FAM53A: variants seen among roughly 807,000 people sequenced by gnomAD.
The protein encoded by FAM53A is protein FAM53A.
A neutral mutation model predicts 26.6 loss-of-function variants in FAM53A; 28 were observed. The ratio of observed to expected loss-of-function variants is 1.05; its 90% CI spans 0.78 to 1.45. The LOEUF (loss-of-function observed/expected upper bound fraction) is 1.45. Ranked by LOEUF, FAM53A falls within the 40% of genes most tolerant of loss-of-function variation. The pLI is 0.00. For missense variants in FAM53A, 650 were observed against 575.8 expected (o/e 1.13, Z -1.32); for synonymous variants, 290 against 253.1 (o/e 1.15, Z -1.38).
At chr4:1,654,773 G>A (rs536965079) in intron 4 of FAM53A, among the ~76,000 whole-genome samples, 8 of 152,334 alleles carry the variant, frequency 5.3e-5, no homozygotes, top group Admixed American at 1.3e-4. Context: ...GGGAGCAGGC[G>A]GGGTGAGCTG....
chr4:1,602,711 G>A, the FAM53A span, among the ~76,000 whole-genome samples: 756 of 152,330 alleles, frequency 5.0e-3, 7 homozygotes, highest in African/African-American at 0.017. Flanking sequence ...CAGGCTGAGC[G>A]AGACCCGGTG....
chr4:1,619,650 T>C (rs1246708769), intron 1 of FAM53A, among the ~76,000 whole-genome samples: 1 of 150,780 alleles, frequency 6.6e-6, no homozygotes, highest in Non-Finnish European at 1.5e-5. Flanking sequence ...ATCTCCAGCG[T>C]CTCTGACTCA....
downstream of FAM53A, among the ~76,000 whole-genome samples, chr4:1,637,407 G>A (rs1715892647): frequency 6.6e-6 from 1 of 152,178 alleles, no homozygotes; most frequent in Non-Finnish European, 1.5e-5. Context: ...GGTTGGGGGT[G>A]AGGCCAGCCC....
chr4:1,673,242 A>G (rs1714807856), intron 1 of FAM53A, among the ~76,000 whole-genome samples: 1 of 152,186 alleles, frequency 6.6e-6, no homozygotes, highest in Non-Finnish European at 1.5e-5. Flanking sequence ...TGGGTCAGAA[A>G]AACGGCAGGG....
intron 1 of FAM53A, among the ~76,000 whole-genome samples, chr4:1,624,726 C>G (rs1475676888): frequency 1.3e-5 from 2 of 152,254 alleles, no homozygotes; most frequent in Non-Finnish European, 2.9e-5. Flanking sequence ...GGAATTCTGT[C>G]CCAGATGCTG....
chr4:1,608,235 ATCT>A, the FAM53A span, among the ~76,000 whole-genome samples: 2 of 151,420 alleles, frequency 1.3e-5, no homozygotes, highest in African/African-American at 2.4e-5. Flanking sequence ...GGCCTCTCCG[ATCT>A]TCTATGTGTT....
intron 2 of FAM53A, among the ~76,000 whole-genome samples, chr4:1,667,806 C>T (rs1482654541): frequency 6.6e-6 from 1 of 152,246 alleles, no homozygotes; most frequent in Non-Finnish European, 1.5e-5. Flanking sequence ...CCTGCTGGCT[C>T]TGAGGGCCTG....
the FAM53A span, among the ~76,000 whole-genome samples, chr4:1,603,340 C>T: frequency 3.7e-3 from 559 of 152,338 alleles, 6 homozygotes; most frequent in African/African-American, 0.013. Flanking sequence ...AGGCCAGCCA[C>T]AGTCCCTGAG....
chr4:1,605,974 C>T, the FAM53A span, among the ~76,000 whole-genome samples: 28 of 151,950 alleles, frequency 1.8e-4, no homozygotes, highest in African/African-American at 4.8e-4. The surrounding 1 kb of genome is among the most constrained non-coding windows in gnomAD (Gnocchi z 5.7). Flanking sequence ...GCATGACTGA[C>T]GTTAGCTGGC....
chr4:1,629,299 T>C (rs941545624), intron 1 of FAM53A, among the ~76,000 whole-genome samples: 1 of 152,110 alleles, frequency 6.6e-6, no homozygotes, highest in Non-Finnish European at 1.5e-5. Context: ...CTAGAGTCAA[T>C]CTCTGCTGCC....
At chr4:1,595,263 G>A in the FAM53A span, among the ~76,000 whole-genome samples, 50 of 152,336 alleles carry the variant, frequency 3.3e-4, no homozygotes, top group African/African-American at 1.1e-3. Flanking sequence ...GCAAGAAGGC[G>A]GGCAGCAGGA....
chr4:1,621,791 C>T (rs773208930), intron 1 of FAM53A, among the ~76,000 whole-genome samples: 3 of 152,220 alleles, frequency 2.0e-5, no homozygotes, highest in East Asian at 1.9e-4. Context: ...TGGCCCGTGC[C>T]GTCCCTGGCA....
chr4:1,659,021 C>G lies in FAM53A; in HGVS notation c.76-1553G>C, dbSNP rs906109254. On this transcript the variant is annotated intron_variant, in intron 2 of 4. Coordinates refer to ENST00000308132, the MANE Select transcript of FAM53A (RefSeq NM_001174070.3). This position sits in a 1 kb window ranked among gnomAD's most constrained non-coding sequence, Gnocchi z 5.2. ...CGTCCTATGATAACATTTCCAAACA[C>G]GATAAAATTAAAAGGAAATCCTTCA... Among the ~76,000 whole-genome samples, 1 of 152,232 alleles carries G rather than the reference C, an allele frequency of 6.6e-6. No individual in the cohort carries two copies. Among genetic ancestry groups the G allele is most frequent in the Non-Finnish European group, 1.5e-5 (1 of 68,034 alleles).
At chr4:1,597,285 C>A in the FAM53A span, among the ~76,000 whole-genome samples, 36 of 152,268 alleles carry the variant, frequency 2.4e-4, 1 homozygote, top group Non-Finnish European at 4.4e-5. Context: ...CTCCTCCCCC[C>A]ACCACTGCCC....
downstream of FAM53A, among the ~76,000 whole-genome samples, chr4:1,638,850 C>T (rs1219946641): frequency 2.0e-5 from 3 of 152,212 alleles, no homozygotes; most frequent in Admixed American, 2.0e-4. Context: ...TAGCGAGAGT[C>T]AGCTGGGAAC....
downstream of FAM53A, among the ~76,000 whole-genome samples, chr4:1,617,247 G>T (rs866338825): frequency 6.9e-6 from 1 of 144,150 alleles, no homozygotes; most frequent in African/African-American, 3.0e-5. Context: ...TTAGCAAACA[G>T]GAGAGTATCT....
chr4:1,601,009 G>T, the FAM53A span, among the ~76,000 whole-genome samples: 1 of 152,150 alleles, frequency 6.6e-6, no homozygotes, highest in Non-Finnish European at 1.5e-5. Flanking sequence ...TCCTAGAACA[G>T]CAGGCAGACG....
In FAM53A at chr4:1,655,292, C is replaced by G. The variant is rs776748055; in HGVS notation, c.568G>C (p.Ala190Pro). 7.0e-6 allele frequency: 10 copies of G among 1,424,596 alleles called. No homozygotes were observed. Among genetic ancestry groups the G allele is most frequent in the Non-Finnish European group, 9.1e-6 (10 of 1,095,090 alleles). The allele number at this position is 1,424,596 out of a possible 1,614,324, so 88.2% of individuals were successfully genotyped here. ...CTGCTGTCCACGAAGCCGCCGCTGG[C>G]GGAGGACGGCCGGGGCGTGGCGGGC... is the stretch of plus-strand genomic sequence containing the variant. ...TSPATPRPSSASGGFVDSSEG... is the reference protein window; with the variant it reads ...TSPATPRPSSPSGGFVDSSEG... Residue 190 changes from alanine (A) to proline (P), a missense_variant, in exon 4 of 5, where the codon GCC becomes CCC. Physicochemically the swap from Ala to Pro is conservative, Grantham distance 27. Transcript: ENST00000308132.
At chr4:1,596,412 T>TCCCCCCCCC in the FAM53A span, among the ~76,000 whole-genome samples, 23 of 139,722 alleles carry the variant, frequency 1.6e-4, no homozygotes, top group African/African-American at 2.7e-4. Flanking sequence ...CCACCCACCT[T>TCCCCCCCCC]CCCCAAAGGT....
Sources: gnomAD v4.1 joint callset for allele counts (sites outside exome capture counted in the v4.1 genomes callset) on GRCh38, gnomAD v4.1.1 for gene constraint, Gnocchi (gnomAD v3.1) non-coding constraint, MANE v1.5 for transcripts, NCBI Gene and HGNC (gene_info 2026-07-23, HGNC 2026-07-21) for gene names.